Variants in IQCM observed in about 807,000 individuals in gnomAD.
The protein encoded by IQCM is IQ domain-containing protein M.
A neutral mutation model predicts 57.6 loss-of-function variants in IQCM; 45 were observed. The observed-to-expected ratio is 0.78, with a 90% CI of 0.62 to 1.00. The LOEUF (loss-of-function observed/expected upper bound fraction) is 1.00. Ranked by LOEUF, IQCM falls within the 50% of genes least tolerant of loss-of-function variation. The probability of loss-of-function intolerance (pLI) is 0.00; values close to 1 mark genes in which losing one functional copy is unlikely to be tolerated. For synonymous variants in IQCM, 148 were observed against 158.9 expected (o/e 0.93, Z 0.51); for missense variants, 468 against 511.6 (o/e 0.91, Z 0.82).
intron 12 of IQCM, among the ~76,000 whole-genome samples, chr4:149,485,810 T>C (rs751582156): frequency 2.9e-4 from 44 of 152,244 alleles, no homozygotes; most frequent in South Asian, 1.9e-3. Flanking sequence ...TGGGTATCTA[T>C]TGTAGTCTTC....
At chr4:149,433,320 A>T (rs1201604018) in intron 13 of IQCM, 76 bp downstream of exon 13, 38 of 623,994 alleles carry the variant, frequency 6.1e-5, no homozygotes, top group Non-Finnish European at 8.5e-5. Flanking sequence ...CATCTAAGTG[A>T]TGAATACAGT....
At chr4:149,578,705 T>C (rs1478726975) in intron 9 of IQCM, among the ~76,000 whole-genome samples, 1 of 151,832 alleles carries the variant, frequency 6.6e-6, no homozygotes. Flanking sequence ...TAAATGAATG[T>C]CCACAATTCA....
chr4:149,678,446 T>C (rs1456881299), intron 7 of IQCM, among the ~76,000 whole-genome samples: 2 of 151,850 alleles, frequency 1.3e-5, no homozygotes, highest in Non-Finnish European at 2.9e-5. Context: ...ACAGTTCTAA[T>C]ATAAAAAACT....
At chr4:149,769,411 A>G (rs1174495937) in intron 2 of IQCM, among the ~76,000 whole-genome samples, 3 of 152,006 alleles carry the variant, frequency 2.0e-5, no homozygotes, top group Non-Finnish European at 4.4e-5. Context: ...CACAAATAAA[A>G]CTACCTACCA....
chr4:149,412,066 TTGTGTG>T (rs35663253), intron 13 of IQCM, among the ~76,000 whole-genome samples: 2,877 of 148,824 alleles, frequency 0.019, 84 homozygotes, highest in African/African-American at 0.064. Flanking sequence ...GTGTGTGTGT[TTGTGTG>T]TGTGTGTGTG....
intron 12 of IQCM, among the ~76,000 whole-genome samples, chr4:149,469,993 C>G (rs1227036359): frequency 2.0e-5 from 3 of 152,180 alleles, no homozygotes. Flanking sequence ...TGGAAAGGAA[C>G]AACCAGTACC....
At chr4:149,397,701 TC>T (rs1732328075) in intron 13 of IQCM, among the ~76,000 whole-genome samples, 1 of 152,036 alleles carries the variant, frequency 6.6e-6, no homozygotes, top group Admixed American at 6.6e-5. Context: ...AATTTTTTAG[TC>T]TTTTTTGGAG....
At chr4:149,449,781 C>G (rs558147238) in intron 12 of IQCM, among the ~76,000 whole-genome samples, 18 of 151,614 alleles carry the variant, frequency 1.2e-4, no homozygotes, top group Non-Finnish European at 2.4e-4. Context: ...TACATACTAC[C>G]CAAAGAAATC....
intron 5 of IQCM, chr4:149,691,837 G>T (rs1762962637): frequency 6.6e-6 from 1 of 152,094 alleles, no homozygotes; most frequent in Non-Finnish European, 1.5e-5. Context: ...ATTATTTAAG[G>T]ATAATATTAT....
At chr4:149,572,764 G>A (rs1751284703) in intron 9 of IQCM, among the ~76,000 whole-genome samples, 2 of 151,836 alleles carry the variant, frequency 1.3e-5, no homozygotes, top group African/African-American at 4.8e-5. Context: ...ATAGAAAAAT[G>A]TTTCAATAAT....
chr4:149,728,046 C>T (rs114567047), intron 5 of IQCM, among the ~76,000 whole-genome samples: 1,890 of 152,264 alleles, frequency 0.012, 17 homozygotes, highest in Non-Finnish European at 0.018. Flanking sequence ...TCACCAGAGC[C>T]AGTTGTTAAA....
chr4:149,552,956 T>A (rs1296440544), intron 11 of IQCM, among the ~76,000 whole-genome samples, 187 bp downstream of exon 11: 2 of 152,248 alleles, frequency 1.3e-5, no homozygotes, highest in Non-Finnish European at 2.9e-5. Context: ...AAATGAGTTT[T>A]CTGTTACTTG....
intron 2 of IQCM, among the ~76,000 whole-genome samples, chr4:149,767,766 C>T (rs1268133013): frequency 6.6e-6 from 1 of 152,060 alleles, no homozygotes; most frequent in Non-Finnish European, 1.5e-5. Flanking sequence ...GATCATCACT[C>T]TTATCATTAA....
chr4:149,447,032 G>A (rs1560849862), intron 12 of IQCM, among the ~76,000 whole-genome samples: 1 of 151,344 alleles, frequency 6.6e-6, no homozygotes, highest in Non-Finnish European at 1.5e-5. Context: ...TGGAGATGAT[G>A]GCCTACTGGA....
intron 5 of IQCM, among the ~76,000 whole-genome samples, chr4:149,717,280 T>C (rs78698139): frequency 0.028 from 4,282 of 152,166 alleles, 188 homozygotes; most frequent in African/African-American, 0.098. Context: ...TGGGATCTGA[T>C]GCTACCTCCA....
intron 7 of IQCM, among the ~76,000 whole-genome samples, chr4:149,666,414 C>T (rs1760728830): frequency 6.6e-6 from 1 of 152,120 alleles, no homozygotes; most frequent in Non-Finnish European, 1.5e-5. Flanking sequence ...ACGCTTTTCC[C>T]ATGGTCTTTG....
chr4:149,374,899 T>C (rs1218660846), intron 13 of IQCM, among the ~76,000 whole-genome samples: 4 of 152,044 alleles, frequency 2.6e-5, no homozygotes, highest in Non-Finnish European at 5.9e-5. Flanking sequence ...TGTAATTGTC[T>C]TCAAGACATG....
At chr4:149,500,683 C>T (rs1743147413) in intron 12 of IQCM, among the ~76,000 whole-genome samples, 1 of 152,096 alleles carries the variant, frequency 6.6e-6, no homozygotes, top group Non-Finnish European at 1.5e-5. Context: ...GGTTTTTAAG[C>T]AGATGGCTTG....
At chr4:149,375,895 G>A (rs1329737937) in intron 13 of IQCM, among the ~76,000 whole-genome samples, 2 of 152,054 alleles carry the variant, frequency 1.3e-5, no homozygotes, top group Non-Finnish European at 2.9e-5. Context: ...GGAATATTTA[G>A]GTATTTTGTT....
Sources: gnomAD v4.1 joint callset for allele counts (sites outside exome capture counted in the v4.1 genomes callset) on GRCh38, gnomAD v4.1.1 for gene constraint, MANE v1.5 for transcripts, NCBI Gene and HGNC (gene_info 2026-07-23, HGNC 2026-07-21) for gene names.